The following PDZD7 variants were observed in gnomAD, a reference collection of about 807,000 sequenced individuals.
PDZD7 encodes the protein PDZ domain containing 7, also known as PDZ domain-containing protein 7.
Under a neutral mutation model 84.7 loss-of-function variants are expected in PDZD7, and 72 were observed. The observed-to-expected ratio is 0.85, with a 90% confidence interval of 0.70 to 1.03. The LOEUF (loss-of-function observed/expected upper bound fraction) is 1.03, where lower values mean the gene tolerates loss of function less well. Among genes scored for constraint, PDZD7 ranks in the 50% least tolerant of loss-of-function variants. The pLI is 0.00. For missense variants in PDZD7, 1,490 were observed against 1,412.9 expected (o/e 1.05, Z -0.87); for synonymous variants, 594 against 580.7 (o/e 1.02, Z -0.33).
intron 7 of PDZD7, among the ~76,000 whole-genome samples, chr10:101,020,101 AATTATTATT>A (rs554435737): frequency 1.4e-5 from 2 of 147,420 alleles, no homozygotes; most frequent in Non-Finnish European, 3.0e-5. Flanking sequence ...TTAATTTTTA[AATTATTATT>A]ATTATTATTA....
intron 4 of PDZD7, 128 bp from the exon 5 acceptor site, chr10:101,022,513 G>A (rs1853175393): frequency 1.3e-5 from 13 of 1,014,960 alleles, no homozygotes; most frequent in Non-Finnish European, 1.6e-5. Context: ...CCTGAGACCT[G>A]CAGTGGGGCA....
Position 101,030,041 on chromosome 10 carries a change from G to C in PDZD7, c.179C>G (p.Ala60Gly). The change falls in exon 2 of 17, where the codon GCC becomes GGC. Residue 60 changes from alanine to glycine, a missense_variant. By Grantham distance (60) the Ala-to-Gly change is moderately conservative. Coordinates refer to ENST00000619208, the MANE Select transcript of PDZD7 (RefSeq NM_001195263.2). ...LLNGPPRGIRASSPMGRVILI... is the reference protein window; with the variant it reads ...LLNGPPRGIRGSSPMGRVILI... ...GATGACGCGTCCCATGGGCGATGAG[G>C]CTCGGATTCCGCGGGGGGGCCCGTT... is the stretch of plus-strand genomic sequence containing the variant. 1 of 1,613,972 alleles carries C rather than the reference G, an allele frequency of 6.2e-7. No individual in the cohort carries two copies. Among genetic ancestry groups the C allele is most frequent in the Non-Finnish European group, 8.5e-7 (1 of 1,180,038 alleles).
At chr10:101,009,824 C>G (rs1808581391) in intron 15 of PDZD7, among the ~76,000 whole-genome samples, 1 of 152,086 alleles carries the variant, frequency 6.6e-6, no homozygotes, top group African/African-American at 2.4e-5. Context: ...TCAGGCTGGT[C>G]TTGAACTCCT....
At position 101,018,112 on chromosome 10, in the gene PDZD7, C is replaced by A. The variant is rs1852804265; in HGVS notation, c.1509G>T (p.Leu503=). 6.2e-7 allele frequency: 1 copy of A among 1,614,168 alleles called. No homozygotes were observed. Among genetic ancestry groups the A allele is most frequent in the East Asian group, 2.2e-5 (1 of 44,870 alleles). ...CCCACTACTTACCTTTCTCTATGTC[C>A]AGGCGAGGGTAAGTTTTGGCCAGGC... is the stretch of plus-strand genomic sequence containing the variant. ...SGSLAKTYPR[L]DIEKAGGVGP... The change falls in exon 9 of 17, where the codon CTG becomes CTT. Residue 503 remains leucine, a synonymous_variant. Transcript: ENST00000619208.
At chr10:101,019,791 A>G (rs1469979806) in intron 7 of PDZD7, among the ~76,000 whole-genome samples, 1 of 151,378 alleles carries the variant, frequency 6.6e-6, no homozygotes, top group Non-Finnish European at 1.5e-5. Flanking sequence ...ACACCCAGCT[A>G]ATTTTTGTAT....
chr10:101,024,941 G>T (rs1399027493), intron 2 of PDZD7, among the ~76,000 whole-genome samples: 1 of 151,988 alleles, frequency 6.6e-6, no homozygotes, highest in Non-Finnish European at 1.5e-5. Context: ...TACTCCCAGG[G>T]TCAGATGGAC....
At chr10:101,009,711 G>A (rs1439544832) in intron 15 of PDZD7, among the ~76,000 whole-genome samples, 1 of 137,634 alleles carries the variant, frequency 7.3e-6, no homozygotes, top group Non-Finnish European at 1.5e-5. Flanking sequence ...GGGTTCAGCC[G>A]ATTCTCCTGC....
chr10:101,010,650 G>C lies in PDZD7; in HGVS notation c.2239C>G (p.Arg747Gly). The C allele has an allele frequency of 4.0e-6, 6 of 1,511,256 alleles. No individual in the cohort carries two copies. Among genetic ancestry groups the C allele is most frequent in the Non-Finnish European group, 5.3e-6 (6 of 1,131,172 alleles). 93.6% of individuals were successfully genotyped at this position (1,511,256 alleles called of 1,614,324 possible). A position where few individuals can be genotyped will look rare whatever the true frequency, so the allele number is the denominator to read the frequency against. ...GGTTCTGTCAGCAGCCAGTTAGGCC[G>C]CAGGGGCCGGGGAGCCACGGGGGGT... is the stretch of plus-strand genomic sequence containing the variant. The part of the protein sequence containing the change: ...QLPPVAPRPL[R>G]PNWLLTEPLS... Residue 747 changes from arginine to glycine, a missense_variant, in exon 15 of 17, where the codon CGG becomes GGG. By Grantham distance (125) the Arg-to-Gly change is moderately radical. Coordinates refer to ENST00000619208, the MANE Select transcript of PDZD7 (RefSeq NM_001195263.2).
chr10:101,020,602 G>A lies in PDZD7; in HGVS notation c.928+16C>T. The A allele has an allele frequency of 1.2e-6, 2 of 1,609,680 alleles. No individual in the cohort carries two copies. On this transcript the variant is annotated intron_variant, in intron 7 of 16. Coordinates refer to ENST00000619208, the MANE Select transcript of PDZD7 (RefSeq NM_001195263.2). The stretch of plus-strand genomic sequence containing the variant: ...CAGCCCTTTCCCTCCAACCTTGGGA[G>A]ATCTGAGCCACTTACGTCGGTCCAG...
intron 15 of PDZD7, among the ~76,000 whole-genome samples, chr10:101,009,701 G>A (rs890718192): frequency 2.2e-5 from 3 of 135,498 alleles, no homozygotes; most frequent in Non-Finnish European, 3.1e-5. Context: ...TCCGCCTCCC[G>A]GGTTCAGCCG....
rs1285737020 is a variant in PDZD7, at chr10:101,008,803, C to G, written c.2766G>C (p.Val922=). 6.5e-7 allele frequency: 1 copy of G among 1,528,026 alleles called. No homozygotes were observed. The highest frequency in any genetic ancestry group is 1.2e-5 in the South Asian group (1 of 83,668). The allele number at this position is 1,528,026 out of a possible 1,614,324, so 94.7% of individuals were successfully genotyped here. The change falls in exon 17 of 17, where the codon GTG becomes GTC. Residue 922 remains valine (V), a synonymous_variant. Coordinates refer to ENST00000619208, the MANE Select transcript of PDZD7 (RefSeq NM_001195263.2). ...TGGTGTCTACTGCACGCTGGTGGGT[C>G]ACCTGCTCTAGATTCTCTCCGTCCA... The part of the protein sequence containing the change: ...VAVDGENLEQ[V]THQRAVDTIR...
In PDZD7 at chr10:101,016,379, C is replaced by G; in HGVS notation, c.1571G>C (p.Arg524Pro). 1 of 1,550,678 alleles carries G rather than the reference C, an allele frequency of 6.4e-7. No homozygotes were observed. Among genetic ancestry groups the G allele is most frequent in the African/African-American group, 1.4e-5 (1 of 73,176 alleles). ...TGGTAAAGGGATGCATGAATTACCA[C>G]GTCTCAGTCTCCAGGTGACAAACTT... ...VQKFVTWRLR[R>P]DQERGRALLS... The change falls in exon 10 of 17, where the codon CGT becomes CCT. Residue 524 changes from arginine (R) to proline (P), a missense_variant and splice_region_variant. Coordinates refer to ENST00000619208, the MANE Select transcript of PDZD7 (RefSeq NM_001195263.2).
chr10:101,019,206 C>A lies in PDZD7; in HGVS notation c.940G>T (p.Val314Leu). ...YCWLDRLSNG[V>L]LQQLSPASES... is the part of the protein sequence containing the mutation. ...GAGGCCGGGGACAGCTGCTGCAGCA[C>A]CCCGTTGCTCACTGCAGGGAGTAGA... The change falls in exon 8 of 17, where the codon GTG becomes TTG. Residue 314 changes from valine to leucine, a missense_variant. By Grantham distance (32) the Val-to-Leu change is conservative. Transcript: ENST00000619208. 1 of 1,535,786 alleles carries A rather than the reference C, an allele frequency of 6.5e-7. No homozygotes were observed. The highest frequency in any genetic ancestry group is 8.7e-7 in the Non-Finnish European group (1 of 1,146,816).
intron 2 of PDZD7, among the ~76,000 whole-genome samples, chr10:101,027,097 G>A (rs971783758): frequency 2.1e-4 from 32 of 152,270 alleles, no homozygotes; most frequent in Middle Eastern, 3.4e-3. Context: ...GCCGCCTTTA[G>A]CTATTCTCTA....
intron 11 of PDZD7, among the ~76,000 whole-genome samples, chr10:101,014,573 C>A (rs530152625): frequency 1.3e-5 from 2 of 152,228 alleles, no homozygotes; most frequent in South Asian, 4.1e-4. Flanking sequence ...CCTTAGCTTC[C>A]CCCAGCACAC....
intron 13 of PDZD7, 63 bp downstream of exon 13, chr10:101,011,862 C>A (rs755848112): frequency 6.5e-7 from 1 of 1,549,386 alleles, no homozygotes; most frequent in East Asian, 2.4e-5. Flanking sequence ...CTCTCCACCA[C>A]GGGGTCCCAT....
intron 7 of PDZD7, among the ~76,000 whole-genome samples, chr10:101,019,542 GCCTCCTCCTCCTCCTCCTCCTC>G (rs1250709160): frequency 1.1e-5 from 1 of 89,240 alleles, no homozygotes; most frequent in African/African-American, 2.9e-5. Flanking sequence ...TTCTGCTTCT[GCCTCCTCCTCCTCCTCCTCCTC>G]CTCCTCCTCC....
intron 9 of PDZD7, chr10:101,017,700 C>T (rs747121379): frequency 1.5e-6 from 1 of 675,642 alleles, no homozygotes; most frequent in Non-Finnish European, 2.7e-6. Flanking sequence ...GTGGGAGGAT[C>T]GCTTGAGCGT....
At chr10:101,026,663 TCACA>T (rs3051194) in intron 2 of PDZD7, among the ~76,000 whole-genome samples, 7,085 of 123,758 alleles carry the variant, frequency 0.057, 203 homozygotes, top group African/African-American at 0.078. Flanking sequence ...CAGGGAGAAA[TCACA>T]CACACACACA....
Sources: allele counts gnomAD v4.1 joint callset (sites outside exome capture counted in the v4.1 genomes callset), GRCh38; gene constraint gnomAD v4.1.1; transcripts MANE v1.5; gene names NCBI Gene and HGNC (gene_info 2026-07-23, HGNC 2026-07-21).